The following EPAS1 variants were observed in gnomAD, a reference collection of about 807,000 sequenced individuals.
EPAS1 encodes endothelial PAS domain-containing protein 1.
Under a neutral mutation model 87.9 loss-of-function variants are expected in EPAS1, and 23 were observed. The observed-to-expected ratio is 0.26, with a 90% CI of 0.19 to 0.37. EPAS1 has a LOEUF of 0.37. Ranked by LOEUF, EPAS1 falls within the 10% of genes least tolerant of loss-of-function variation. EPAS1 has a pLI of 1.00. For missense variants in EPAS1, 1,138 were observed against 1,120.7 expected (o/e 1.02, Z -0.22); for synonymous variants, 508 against 444.3 (o/e 1.14, Z -1.80).
chr2:46,382,257 T>G (rs1285465487), intron 14 of EPAS1, among the ~76,000 whole-genome samples, 168 bp downstream of exon 14: 1 of 152,150 alleles, frequency 6.6e-6, no homozygotes, highest in African/African-American at 2.4e-5. Flanking sequence ...ACACCCAACT[T>G]TTCCATCTCC....
chr2:46,303,289 G>A (rs1683047424), intron 1 of EPAS1, among the ~76,000 whole-genome samples: 2 of 152,180 alleles, frequency 1.3e-5, no homozygotes, highest in African/African-American at 2.4e-5. Context: ...GAACCACACA[G>A]AGTAGGTGCT....
intron 1 of EPAS1, among the ~76,000 whole-genome samples, chr2:46,316,179 A>T (rs536892060): frequency 1.3e-5 from 2 of 150,082 alleles, no homozygotes; most frequent in African/African-American, 5.1e-5. Flanking sequence ...AACGAGTCAC[A>T]TGATTTTTTT....
In EPAS1 at chr2:46,375,237, T is replaced by G. The variant is rs1236598581; in HGVS notation, c.887-453T>G. Among the ~76,000 whole-genome samples, 2 of 142,742 alleles carry G rather than the reference T, an allele frequency of 1.4e-5. No individual in the cohort carries two copies. The highest frequency in any genetic ancestry group is 5.2e-5 in the African/African-American group (2 of 38,264). The allele number at this position is 142,742 out of a possible 152,430, so 93.6% of individuals were successfully genotyped here. A position where few individuals can be genotyped will look rare whatever the true frequency, so the allele number is the denominator to read the frequency against. ...CCCTGAGGTCAGGCTTTCTCCAGGC[T>G]GCTTAGAAGTCCCCCCACCTGGAGT... On this transcript the variant is annotated intron_variant, in intron 7 of 15. Transcript: ENST00000263734. This position sits in a 1 kb window ranked among gnomAD's most constrained non-coding sequence, Gnocchi z 4.1.
intron 2 of EPAS1, among the ~76,000 whole-genome samples, chr2:46,350,849 A>G (rs1684132369): frequency 6.6e-6 from 1 of 152,248 alleles, no homozygotes; most frequent in African/African-American, 2.4e-5. Flanking sequence ...TGGATTCATC[A>G]TCATTTGCTT....
At chr2:46,331,295 C>T (rs1250945229) in intron 1 of EPAS1, among the ~76,000 whole-genome samples, 1 of 152,214 alleles carries the variant, frequency 6.6e-6, no homozygotes, top group Non-Finnish European at 1.5e-5. Flanking sequence ...CCTTCTCTAT[C>T]CCCAGTGCCT....
At chr2:46,336,325 G>A (rs1405309494) in intron 1 of EPAS1, among the ~76,000 whole-genome samples, 3 of 152,104 alleles carry the variant, frequency 2.0e-5, no homozygotes, top group African/African-American at 7.2e-5. Context: ...AGTTATAGGA[G>A]TAGAACGTTT....
chr2:46,326,719 C>T lies in EPAS1; in HGVS notation c.27-20154C>T, dbSNP rs141227759. 4.5e-3 allele frequency among the ~76,000 whole-genome samples: 691 copies of T among 152,282 alleles called. 5 individuals carry two copies. The highest frequency in any genetic ancestry group is 0.016 in the African/African-American group (672 of 41,536). ...AAAATTAAAGGAGACACCTTTGTTCCTGCCCATAGGAAATATAGTCTAGTG... is the reference window on the plus strand; with the variant it reads ...AAAATTAAAGGAGACACCTTTGTTCTTGCCCATAGGAAATATAGTCTAGTG... On this transcript the variant is annotated intron_variant, in intron 1 of 15. Transcript: ENST00000263734.
At chr2:46,319,295 G>A (rs965435513) in intron 1 of EPAS1, among the ~76,000 whole-genome samples, 1 of 152,180 alleles carries the variant, frequency 6.6e-6, no homozygotes, top group Non-Finnish European at 1.5e-5. Flanking sequence ...TTTGAGCCAG[G>A]AGCTGCTAGC....
In EPAS1 at chr2:46,327,908, C is replaced by T. The variant is rs77057217; in HGVS notation, c.27-18965C>T. The stretch of plus-strand genomic sequence containing the variant: ...CTTTGGGAAGAGCTTAATATTGCCT[C>T]ATGCCTCCTGAGCCAGCCCTCTATC... On this transcript the variant is annotated intron_variant, in intron 1 of 15. Transcript: ENST00000263734. Among the ~76,000 whole-genome samples, 225 of 152,320 alleles carry T rather than the reference C, an allele frequency of 1.5e-3. 2 individuals carry two copies. The East Asian group carries it at 0.038, about 26-fold the overall frequency.
intron 15 of EPAS1, among the ~76,000 whole-genome samples, chr2:46,383,609 C>T (rs1684948921): frequency 6.6e-6 from 1 of 152,178 alleles, no homozygotes. Context: ...TATTTATGTG[C>T]AGTAAGAGGT....
rs1010527556 is a variant in EPAS1, at chr2:46,297,518, C to T, written c.-394C>T. On this transcript the variant is annotated 5_prime_UTR_variant, in exon 1 of 16. Coordinates refer to ENST00000263734, the MANE Select transcript of EPAS1 (RefSeq NM_001430.5). Reference sequence around the variant, plus strand: ...GTGTCCTGAGACTGTATGGTCAGCTCAGCCCGGCCTCCGACTCCTTCCGAC... The same window carrying T: ...GTGTCCTGAGACTGTATGGTCAGCTTAGCCCGGCCTCCGACTCCTTCCGAC... The T allele has an allele frequency of 1.6e-5, 5 of 307,328 alleles. No individual in the cohort carries two copies. In the Admixed American group the frequency reaches 2.3e-4, roughly 14 times the overall value. 19.0% of individuals were successfully genotyped at this position (307,328 alleles called of 1,614,324 possible). A position where few individuals can be genotyped will look rare whatever the true frequency, so the allele number is the denominator to read the frequency against.
intron 2 of EPAS1, among the ~76,000 whole-genome samples, chr2:46,355,596 G>A (rs948596076): frequency 6.6e-6 from 1 of 152,214 alleles, no homozygotes; most frequent in Non-Finnish European, 1.5e-5. Context: ...GTATATATTA[G>A]CAGCTAAAAT....
At chr2:46,381,891 T>A (rs943270785) in intron 13 of EPAS1, 84 bp from the exon 14 acceptor site, 2 of 1,514,162 alleles carry the variant, frequency 1.3e-6, no homozygotes, top group African/African-American at 1.4e-5. Context: ...GTGCCAGCCC[T>A]GTTCCAGGCC....
rs774200178 is a variant in EPAS1 at position 46,361,142 on chromosome 2, T to C, written c.779+52T>C. On this transcript the variant is annotated intron_variant, in intron 6 of 15. Coordinates refer to ENST00000263734, the MANE Select transcript of EPAS1 (RefSeq NM_001430.5). ...TGGGCAGAGATGGGTCTTACCTGTG[T>C]GTGTGGGGAGTTGTGCCTGTATTAA... 5.0e-6 allele frequency: 8 copies of C among 1,584,272 alleles called. No individual in the cohort carries two copies. The South Asian group carries it at 8.9e-5, about 18-fold the overall frequency.
chr2:46,328,709 T>C (rs1330010074), intron 1 of EPAS1, among the ~76,000 whole-genome samples: 1 of 152,214 alleles, frequency 6.6e-6, no homozygotes, highest in Non-Finnish European at 1.5e-5. Context: ...GAACGTACCT[T>C]CAGCAATCAC....
intron 14 of EPAS1, 45 bp from the exon 15 acceptor site, chr2:46,382,380 C>CCCT (rs780016432): frequency 3.7e-6 from 6 of 1,609,820 alleles, no homozygotes; most frequent in Non-Finnish European, 5.1e-6. Flanking sequence ...CCTCTCCCCT[C>CCCT]CCTCAGGCCA....
chr2:46,346,873 G>A lies in EPAS1; in HGVS notation c.27G>A (p.Arg9=), dbSNP rs751410995. The A allele has an allele frequency of 7.4e-6, 12 of 1,614,208 alleles. No individual in the cohort carries two copies. Among genetic ancestry groups the A allele is most frequent in the Non-Finnish European group, 5.9e-6 (7 of 1,180,034 alleles). The change falls in exon 2 of 16, where the codon AGG becomes AGA. Residue 9 remains arginine (R), a splice_region_variant and synonymous_variant. Transcript: ENST00000263734. The surrounding 1 kb of genome is among the most constrained non-coding windows in gnomAD (Gnocchi z 4.0). MTADKEKK[R]SSSERRKEKS... ...GACTAACCCCTTCTTCTCCACTTAG[G>A]AGTAGCTCGGAGAGGAGGAAGGAGA...
intron 1 of EPAS1, among the ~76,000 whole-genome samples, chr2:46,311,111 C>T (rs1021975929): frequency 6.6e-6 from 1 of 152,174 alleles, no homozygotes; most frequent in African/African-American, 2.4e-5. Context: ...ATCTCCTGAC[C>T]TGTGATCCAC....
rs767974116 is a variant in EPAS1, at chr2:46,356,287, C to G, written c.354C>G (p.Phe118Leu). The change falls in exon 3 of 16, where the codon TTC (phenylalanine) becomes TTG (leucine). Residue 118 changes from phenylalanine to leucine, a missense_variant. Phe to Leu is a conservative substitution (Grantham distance 22, BLOSUM62 0). This residue lies in a region of EPAS1 where 351 missense variants were observed against 417.1 expected (regional missense o/e 0.84). Coordinates refer to ENST00000263734, the MANE Select transcript of EPAS1 (RefSeq NM_001430.5). ...TTCTGTCAGAAAACATCAGCAAGTTCATGGGACTTACACAGGTGACACCCT... is the reference window on the plus strand; with the variant it reads ...TTCTGTCAGAAAACATCAGCAAGTTGATGGGACTTACACAGGTGACACCCT... ...MIFLSENISK[F>L]MGLTQVELTG... 1.2e-6 allele frequency: 2 copies of G among 1,614,104 alleles called. No individual in the cohort carries two copies. Among genetic ancestry groups the G allele is most frequent in the African/African-American group, 2.7e-5 (2 of 74,926 alleles).
Sources: gnomAD v4.1 joint callset for allele counts (sites outside exome capture counted in the v4.1 genomes callset) on GRCh38, gnomAD v4.1.1 for gene constraint, gnomAD v4.1.1 regional missense constraint, Gnocchi (gnomAD v3.1) non-coding constraint, MANE v1.5 for transcripts, NCBI Gene and HGNC (gene_info 2026-07-23, HGNC 2026-07-21) for gene names.